Variants in PIEZO2 observed in about 807,000 individuals in gnomAD.
PIEZO2 encodes piezo-type mechanosensitive ion channel component 2.
Under a neutral mutation model 337.3 loss-of-function variants are expected in PIEZO2, and 172 were observed. The observed-to-expected ratio is 0.51, with a 90% CI of 0.45 to 0.58. The LOEUF (loss-of-function observed/expected upper bound fraction) is 0.58. Ranked by LOEUF, PIEZO2 falls within the 20% of genes least tolerant of loss-of-function variation. The pLI is 0.00. For missense variants in PIEZO2, 3,028 were observed against 3,391.3 expected (o/e 0.89, Z 2.66); for synonymous variants, 1,251 against 1,228.5 (o/e 1.02, Z -0.38).
At chr18:10,838,477 AC>A (rs1291169524) in intron 7 of PIEZO2, among the ~76,000 whole-genome samples, 6 of 152,226 alleles carry the variant, frequency 3.9e-5, no homozygotes, top group African/African-American at 1.2e-4. Context: ...ACATGTCTTA[AC>A]TATTTGCCAA....
chr18:10,683,346 T>C (rs1389718073), intron 49 of PIEZO2, among the ~76,000 whole-genome samples: 1 of 152,086 alleles, frequency 6.6e-6, no homozygotes, highest in Non-Finnish European at 1.5e-5. Context: ...GCCGGAAATA[T>C]GAGAATGGAG....
intron 7 of PIEZO2, among the ~76,000 whole-genome samples, chr18:10,814,502 C>T (rs77753167): frequency 0.051 from 7,835 of 152,196 alleles, 258 homozygotes; most frequent in South Asian, 0.072. Context: ...GAAGTAGCCA[C>T]AAAGAGGCAG....
chr18:10,779,999 T>C (rs964527316), intron 18 of PIEZO2, among the ~76,000 whole-genome samples: 1 of 152,186 alleles, frequency 6.6e-6, no homozygotes, highest in Non-Finnish European at 1.5e-5. Context: ...AGCTGAGCTC[T>C]CAGTTATGTG....
At chr18:10,712,150 G>A (rs112464631) in intron 39 of PIEZO2, among the ~76,000 whole-genome samples, 13 of 152,216 alleles carry the variant, frequency 8.5e-5, no homozygotes, top group South Asian at 2.1e-4. Context: ...ATATCCCTTC[G>A]TTCACCCTGT....
chr18:10,758,000 G>T lies in PIEZO2; in HGVS notation c.3892C>A (p.His1298Asn), dbSNP rs1008913133. Residue 1298 changes from histidine to asparagine, a missense_variant, in exon 27 of 56, where the codon CAT becomes AAT. His to Asn is a moderately conservative substitution (Grantham distance 68). Transcript: ENST00000674853. The part of the protein sequence containing the change: ...MNLDAASFSQ[H>N]NPVPDFIHCR... The stretch of plus-strand genomic sequence containing the variant: ...TGAATAAAATCTGGCACAGGGTTAT[G>T]TTGGCTGAAGGAGGCCGCATCAAGG... 1.3e-6 allele frequency: 2 copies of T among 1,536,928 alleles called. No individual in the cohort carries two copies. The highest frequency in any genetic ancestry group is 1.4e-5 in the African/African-American group (1 of 73,098).
intron 1 of PIEZO2, among the ~76,000 whole-genome samples, chr18:11,136,864 TTCAG>T (rs571743883): frequency 1.0e-3 from 157 of 152,336 alleles, no homozygotes; most frequent in South Asian, 2.9e-3. Flanking sequence ...ACTGATTACA[TTCAG>T]TATTTTACTC....
chr18:10,778,478 G>A (rs548589323), intron 18 of PIEZO2, among the ~76,000 whole-genome samples: 22 of 151,856 alleles, frequency 1.4e-4, no homozygotes, highest in Admixed American at 2.0e-4. Flanking sequence ...GACTACAGGC[G>A]CCCGCCACCA....
rs1278955408 is a variant in PIEZO2 at position 11,116,990 on chromosome 18, T to A, written c.64+31535A>T. Among the ~76,000 whole-genome samples, 1 of 152,044 alleles carries A rather than the reference T, an allele frequency of 6.6e-6. No homozygotes were observed. The highest frequency in any genetic ancestry group is 1.5e-5 in the Non-Finnish European group (1 of 68,010). On this transcript the variant is annotated intron_variant, in intron 1 of 55. Transcript: ENST00000674853. The surrounding 1 kb of genome is among the most constrained non-coding windows in gnomAD (Gnocchi z 5.0). ...CTGGCTTGGTGGCACGTGCCTGTAG[T>A]GCCAGCTACTTTGGAGGCTGAGGCA...
chr18:10,939,683 C>T (rs1260294100), intron 3 of PIEZO2, among the ~76,000 whole-genome samples: 1 of 152,092 alleles, frequency 6.6e-6, no homozygotes, highest in African/African-American at 2.4e-5. Flanking sequence ...AACCAAACGC[C>T]GCATGTTCTC....
In PIEZO2 at chr18:11,094,902, G is replaced by A. The variant is rs1568368955; in HGVS notation, c.65-28680C>T. On this transcript the variant is annotated intron_variant, in intron 1 of 55. Transcript: ENST00000674853. The surrounding 1 kb of genome is among the most constrained non-coding windows in gnomAD (Gnocchi z 4.4). ...GATGGCCTGACTGAAAGCCATCTGA[G>A]GAACTCTGTCCCCTCTTCCTACAGC... 2.0e-5 allele frequency among the ~76,000 whole-genome samples: 3 copies of A among 152,216 alleles called. No individual in the cohort carries two copies. Among genetic ancestry groups the A allele is most frequent in the Admixed American group, 6.5e-5 (1 of 15,286 alleles).
rs2039564988 is a variant in PIEZO2 at position 10,795,453 on chromosome 18, T to C, written c.1528-451A>G. On this transcript the variant is annotated intron_variant, in intron 12 of 55. Coordinates refer to ENST00000674853, the MANE Select transcript of PIEZO2 (RefSeq NM_001378183.1). This position sits in a 1 kb window ranked among gnomAD's most constrained non-coding sequence, Gnocchi z 4.4. ...AAGAAAAGACCAAACTTATCTGGCT[T>C]AGAGAGAAAAAAAAATGGTATACTC... is the stretch of plus-strand genomic sequence containing the variant. 6.6e-6 allele frequency among the ~76,000 whole-genome samples: 1 copy of C among 151,426 alleles called. No individual in the cohort carries two copies. The highest frequency in any genetic ancestry group is 6.6e-5 in the Admixed American group (1 of 15,186).
chr18:10,723,664 T>C (rs571924711), intron 36 of PIEZO2, among the ~76,000 whole-genome samples: 36 of 152,246 alleles, frequency 2.4e-4, no homozygotes, highest in African/African-American at 8.7e-4. Context: ...GCTCGGCAGC[T>C]GGAGCCTCTC....
At chr18:10,756,517 GGAA>G (rs2037858680) in intron 27 of PIEZO2, among the ~76,000 whole-genome samples, 4 of 145,604 alleles carry the variant, frequency 2.7e-5, no homozygotes, top group African/African-American at 5.1e-5. Context: ...AGGATGAGGA[GGAA>G]GGAAGGATGA....
chr18:10,705,764 G>A lies in PIEZO2; in HGVS notation c.5589-18C>T. 6.6e-7 allele frequency: 1 copy of A among 1,505,466 alleles called. No individual in the cohort carries two copies. The highest frequency in any genetic ancestry group is 2.5e-5 in the East Asian group (1 of 40,584). The allele number at this position is 1,505,466 out of a possible 1,614,324, so 93.3% of individuals were successfully genotyped here. A position where few individuals can be genotyped will look rare whatever the true frequency, so the allele number is the denominator to read the frequency against. On this transcript the variant is annotated intron_variant, in intron 40 of 55. Coordinates refer to ENST00000674853, the MANE Select transcript of PIEZO2 (RefSeq NM_001378183.1). The stretch of plus-strand genomic sequence containing the variant: ...TGGGCTCGCTGTTGGGAGAAAGCGT[G>A]GGCACAGAGCCCATGTCTTAGCATC...
chr18:10,983,136 A>T (rs1339205462), intron 2 of PIEZO2, among the ~76,000 whole-genome samples: 1 of 152,226 alleles, frequency 6.6e-6, no homozygotes, highest in Admixed American at 6.5e-5. Context: ...TAACTTGATA[A>T]ATGTCAAAGC....
intron 49 of PIEZO2, among the ~76,000 whole-genome samples, chr18:10,683,569 T>C (rs934785227): frequency 2.0e-5 from 3 of 152,356 alleles, no homozygotes; most frequent in South Asian, 2.1e-4. Context: ...TTGATTTTCT[T>C]CCCGATTTTC....
intron 51 of PIEZO2, among the ~76,000 whole-genome samples, chr18:10,681,360 A>G (rs983516724): frequency 1.3e-5 from 2 of 152,226 alleles, no homozygotes; most frequent in South Asian, 2.1e-4. Flanking sequence ...ACTTCTTAGG[A>G]CAGATTCCCA....
chr18:10,675,392 G>T, intron 53 of PIEZO2, 104 bp from the exon 54 acceptor site: 1 of 636,374 alleles, frequency 1.6e-6, no homozygotes, highest in Non-Finnish European at 2.6e-6. Flanking sequence ...AAATAATAGT[G>T]AAAGTTTCAT....
rs1215712326 is a variant in PIEZO2 at position 10,759,938 on chromosome 18, A to G, written c.3451-29T>C. On this transcript the variant is annotated intron_variant, in intron 24 of 55. Transcript: ENST00000674853. The surrounding 1 kb of genome is among the most constrained non-coding windows in gnomAD (Gnocchi z 5.5). ...TGTAAAGATGAAAAGAGGCAAAAAAAAAAAATCAGGCATATGGGAAAGGGG... is the reference window on the plus strand; with the variant it reads ...TGTAAAGATGAAAAGAGGCAAAAAAGAAAAATCAGGCATATGGGAAAGGGG... 4 of 1,520,830 alleles carry G rather than the reference A, an allele frequency of 2.6e-6. No homozygotes were observed. Among genetic ancestry groups the G allele is most frequent in the South Asian group, 2.4e-5 (2 of 83,720 alleles). 94.2% of individuals were successfully genotyped at this position (1,520,830 alleles called of 1,614,324 possible). A position where few individuals can be genotyped will look rare whatever the true frequency, so the allele number is the denominator to read the frequency against.
Sources: allele counts gnomAD v4.1 joint callset (sites outside exome capture counted in the v4.1 genomes callset), GRCh38; gene constraint gnomAD v4.1.1; non-coding constraint Gnocchi (gnomAD v3.1); transcripts MANE v1.5; gene names NCBI Gene and HGNC (gene_info 2026-07-23, HGNC 2026-07-21).